The following CYP4F12 variants were observed in gnomAD, a reference collection of about 807,000 sequenced individuals.
CYP4F12 encodes the protein cytochrome P450 4F12.
Under a neutral mutation model 56.5 loss-of-function variants are expected in CYP4F12, and 60 were observed. That is an observed-to-expected ratio of 1.06 (90% CI 0.86 to 1.32). CYP4F12 has a LOEUF of 1.32. CYP4F12 is among the 40% of genes most tolerant of loss of function. The probability of loss-of-function intolerance (pLI) is 0.00; values close to 1 mark genes in which losing one functional copy is unlikely to be tolerated. For synonymous variants in CYP4F12, 263 were observed against 264.9 expected (o/e 0.99, Z 0.07); for missense variants, 711 against 683.5 (o/e 1.04, Z -0.45).
rs558488165 is a variant in CYP4F12, at chr19:15,685,386, A to G, written c.1115+189A>G. 1.4e-4 allele frequency among the ~76,000 whole-genome samples: 22 copies of G among 152,300 alleles called. 1 individual carries two copies. The South Asian group carries it at 4.6e-3, about 32-fold the overall frequency. On this transcript the variant is annotated intron_variant, in intron 9 of 12. Coordinates refer to ENST00000550308, the MANE Select transcript of CYP4F12 (RefSeq NM_023944.4). ...GAAAAGTTGCAGGCCTTTAGGACCGAAAGACCCGGGCTGCTAAGAGAATTG... is the reference window on the plus strand; with the variant it reads ...GAAAAGTTGCAGGCCTTTAGGACCGGAAGACCCGGGCTGCTAAGAGAATTG...
Position 15,696,445 on chromosome 19 carries a change from C to T in CYP4F12, c.1330C>T (p.Arg444Cys), listed in dbSNP as rs373149297. Residue 444 changes from arginine to cysteine, a missense_variant, in exon 12 of 13, where the codon CGC becomes TGC. Physicochemically the swap from Arg to Cys is radical, Grantham distance 180. Transcript: ENST00000550308. ...WPDPEVYDPF[R>C]FDPENSKGRS... ...TCACCTGCAGGTCTACGACCCCTTC[C>T]GCTTTGACCCAGAGAACAGCAAGGG... The T allele has an allele frequency of 3.2e-5, 51 of 1,614,048 alleles. No individual in the cohort carries two copies. In the African/African-American group the frequency reaches 4.0e-4, roughly 13 times the overall value.
chr19:15,696,275 T>A, intron 11 of CYP4F12, 50 bp downstream of exon 11: 2 of 1,612,398 alleles, frequency 1.2e-6, no homozygotes, highest in Non-Finnish European at 8.5e-7. Context: ...TACTTTTGTG[T>A]GTGTGTGTGT....
chr19:15,682,717 T>C, intron 6 of CYP4F12, among the ~76,000 whole-genome samples: 1 of 152,202 alleles, frequency 6.6e-6, no homozygotes, highest in East Asian at 1.9e-4. Context: ...GAGCCAAGCA[T>C]GTGCAAGAGA....
At chr19:15,682,272 T>C (rs2007342625) in intron 5 of CYP4F12, 117 bp from the exon 6 acceptor site, 1 of 1,429,986 alleles carries the variant, frequency 7.0e-7, no homozygotes, top group Non-Finnish European at 9.4e-7. Flanking sequence ...GGCAATGGGT[T>C]CCTGGGGCAG....
At chr19:15,678,637 G>A in intron 3 of CYP4F12, 1 of 513,428 alleles carries the variant, frequency 1.9e-6, no homozygotes, top group Non-Finnish European at 3.5e-6. Context: ...AAGGACACGG[G>A]TCTAGACAGA....
intron 3 of CYP4F12, chr19:15,678,620 C>T (rs1339060831): frequency 1.7e-6 from 1 of 587,070 alleles, no homozygotes; most frequent in African/African-American, 1.9e-5. Flanking sequence ...AAGGAACCCC[C>T]ATGCTTAAGG....
chr19:15,682,490 C>A lies in CYP4F12; in HGVS notation c.627C>A (p.Ser209Arg). ...ACAGTCTACAGAAATGCATCTTCAGCTTTGACAGCCATTGTCAGGAGTGAG... is the reference window on the plus strand; with the variant it reads ...ACAGTCTACAGAAATGCATCTTCAGATTTGACAGCCATTGTCAGGAGTGAG... ...TLDSLQKCIF[S>R]FDSHCQERPS... is the part of the protein sequence containing the mutation. Residue 209 changes from serine to arginine, a missense_variant, in exon 6 of 13, where the codon AGC (serine) becomes AGA (arginine). Transcript: ENST00000550308. 1 of 1,613,764 alleles carries A rather than the reference C, an allele frequency of 6.2e-7. No individual in the cohort carries two copies. Among genetic ancestry groups the A allele is most frequent in the Non-Finnish European group, 8.5e-7 (1 of 1,179,756 alleles).
intron 9 of CYP4F12, 38 bp downstream of exon 9, chr19:15,685,235 C>A: frequency 6.2e-7 from 1 of 1,603,966 alleles, no homozygotes; most frequent in Non-Finnish European, 8.5e-7. Context: ...CTGAGCCCAT[C>A]ATTGGTTCTG....
chr19:15,680,721 G>C, intron 5 of CYP4F12: 1 of 666,902 alleles, frequency 1.5e-6, no homozygotes. Context: ...GTTCTCAGAA[G>C]GTGTCAGTTT....
intron 11 of CYP4F12, 63 bp from the exon 12 acceptor site, chr19:15,696,367 G>A: frequency 1.2e-6 from 2 of 1,612,140 alleles, no homozygotes; most frequent in Middle Eastern, 1.7e-4. Flanking sequence ...ACACACAAGT[G>A]TCTCTCCAAG....
chr19:15,695,275 T>C (rs922526688), intron 9 of CYP4F12, among the ~76,000 whole-genome samples: 91 of 145,238 alleles, frequency 6.3e-4, no homozygotes, highest in African/African-American at 2.2e-3. Flanking sequence ...ACACCGCATG[T>C]TCTCACTCAT....
intron 6 of CYP4F12, among the ~76,000 whole-genome samples, chr19:15,683,289 A>T (rs2007410947): frequency 6.6e-6 from 1 of 152,192 alleles, no homozygotes; most frequent in South Asian, 2.1e-4. Flanking sequence ...GCATGGAGAC[A>T]GCTCTCTCAG....
chr19:15,693,307 C>A (rs2007962712), intron 9 of CYP4F12, among the ~76,000 whole-genome samples: 1 of 152,130 alleles, frequency 6.6e-6, no homozygotes, highest in Admixed American at 6.5e-5. Flanking sequence ...ATAGCCACTG[C>A]AAAAGAAGAA....
At chr19:15,675,151 G>A (rs1270614551) in intron 2 of CYP4F12, among the ~76,000 whole-genome samples, 2 of 150,932 alleles carry the variant, frequency 1.3e-5, no homozygotes, top group South Asian at 4.2e-4. Flanking sequence ...AGCCCAACCT[G>A]GATATAATTT....
intron 2 of CYP4F12, among the ~76,000 whole-genome samples, chr19:15,675,274 A>AAT (rs2006863234): frequency 1.7e-5 from 2 of 116,584 alleles, no homozygotes; most frequent in Non-Finnish European, 3.6e-5. Context: ...CACTTACAAA[A>AAT]GGCAGGATTG....
chr19:15,693,535 A>G (rs1374693326), intron 9 of CYP4F12, among the ~76,000 whole-genome samples: 8 of 17,496 alleles, frequency 4.6e-4, no homozygotes, highest in African/African-American at 1.2e-3. Context: ...TTTTTGATGG[A>G]GTTGTTTTTT....
chr19:15,685,529 G>A (rs1432500374), intron 9 of CYP4F12, among the ~76,000 whole-genome samples: 1 of 152,194 alleles, frequency 6.6e-6, no homozygotes, highest in African/African-American at 2.4e-5. Context: ...CTCACTTCTT[G>A]AATGTTTGCT....
intron 9 of CYP4F12, among the ~76,000 whole-genome samples, chr19:15,688,398 A>C (rs370170800): frequency 6.6e-6 from 1 of 152,290 alleles, no homozygotes; most frequent in South Asian, 2.1e-4. Context: ...GAATATACTT[A>C]ACCAAGGAGG....
intron 11 of CYP4F12, 77 bp from the exon 12 acceptor site, chr19:15,696,353 A>G: frequency 6.2e-7 from 1 of 1,611,134 alleles, no homozygotes; most frequent in Non-Finnish European, 8.5e-7. Flanking sequence ...CCTCACCCCA[A>G]AACACACACA....
Sources: gnomAD v4.1 joint callset for allele counts (sites outside exome capture counted in the v4.1 genomes callset) on GRCh38, gnomAD v4.1.1 for gene constraint, MANE v1.5 for transcripts, NCBI Gene and HGNC (gene_info 2026-07-23, HGNC 2026-07-21) for gene names.